DEGS2: variants seen among roughly 807,000 people sequenced by gnomAD.
DEGS2 encodes delta 4-desaturase, sphingolipid 2, also known as sphingolipid delta(4)-desaturase/C4-monooxygenase DES2.
Under a neutral mutation model 23.8 loss-of-function variants are expected in DEGS2, and 19 were observed. The observed-to-expected ratio is 0.80, with a 90% CI of 0.56 to 1.17. The LOEUF is 1.17. Ranked by LOEUF, DEGS2 falls within the 50% of genes most tolerant of loss-of-function variation. The pLI is 0.00. For synonymous variants in DEGS2, 218 were observed against 213.7 expected (o/e 1.02, Z -0.18); for missense variants, 390 against 459.5 (o/e 0.85, Z 1.38).
intron 1 of DEGS2, among the ~76,000 whole-genome samples, chr14:100,156,858 A>C (rs1235389345): frequency 6.6e-6 from 1 of 152,182 alleles, no homozygotes; most frequent in East Asian, 1.9e-4. Flanking sequence ...GAGGGAGGGA[A>C]TGGCACATTC....
chr14:100,149,669 G>A lies in DEGS2; in HGVS notation c.124C>T (p.Arg42Cys), dbSNP rs370071999. 42 of 1,611,072 alleles carry A rather than the reference G, an allele frequency of 2.6e-5. No homozygotes were observed. The African/African-American group carries it at 3.7e-4, about 14-fold the overall frequency. ...AIKALMRPDP[R>C]LKWAVLVLVL... ...AGCACCAGCACCGCCCACTTGAGGCGCGGGTCTGGCCGCATCAGGGCCTTG... is the reference window on the plus strand; with the variant it reads ...AGCACCAGCACCGCCCACTTGAGGCACGGGTCTGGCCGCATCAGGGCCTTG... Residue 42 changes from arginine (R) to cysteine (C), a missense_variant, in exon 2 of 3, where the codon CGC becomes TGC. Coordinates refer to ENST00000305631, the MANE Select transcript of DEGS2 (RefSeq NM_206918.3).
At chr14:100,157,381 TG>T (rs1202715111) in intron 1 of DEGS2, among the ~76,000 whole-genome samples, 1 of 152,142 alleles carries the variant, frequency 6.6e-6, no homozygotes, top group Non-Finnish European at 1.5e-5. Context: ...GAAGTGAAGC[TG>T]GGGATAGCCA....
At chr14:100,166,315 GCCTGCCC>G in the DEGS2 span, among the ~76,000 whole-genome samples, 1 of 24,220 alleles carries the variant, frequency 4.1e-5, no homozygotes. Context: ...CTGTGGGGGA[GCCTGCCC>G]GGGGCTGTGG....
At chr14:100,154,870 C>T (rs1362632752) in intron 1 of DEGS2, among the ~76,000 whole-genome samples, 1 of 152,220 alleles carries the variant, frequency 6.6e-6, no homozygotes, top group Non-Finnish European at 1.5e-5. Context: ...ACCCCTACTC[C>T]CAGTCACAGG....
rs376613523 is a variant in DEGS2, at chr14:100,149,495, C to T, written c.298G>A (p.Gly100Ser). The change falls in exon 2 of 3, where the codon GGC becomes AGC. Residue 100 changes from glycine to serine, a missense_variant. Coordinates refer to ENST00000305631, the MANE Select transcript of DEGS2 (RefSeq NM_206918.3). ...DISHNAAFGTGRAARNRWLAV... is the reference protein window; with the variant it reads ...DISHNAAFGTSRAARNRWLAV... ...AGCCAGCGGTTGCGTGCCGCACGGC[C>T]CGTGCCGAAGGCCGCGTTGTGCGAG... is the stretch of plus-strand genomic sequence containing the variant. 58 of 1,599,562 alleles carry T rather than the reference C, an allele frequency of 3.6e-5. No individual in the cohort carries two copies. In the African/African-American group the frequency reaches 7.0e-4, roughly 19 times the overall value.
Position 100,159,570 on chromosome 14 carries a change from G to A in DEGS2, c.18C>T (p.Ser6=). The A allele has an allele frequency of 2.7e-6, 4 of 1,498,510 alleles. No homozygotes were observed. Among genetic ancestry groups the A allele is most frequent in the East Asian group, 5.7e-5 (2 of 35,016 alleles). 92.8% of individuals were successfully genotyped at this position (1,498,510 alleles called of 1,614,324 possible). ...TGTAGACCCACTCGAAGTCGCTGCG[G>A]CTCGCGCTGTTGCCCATGGTGGGGC... MGNSA[S]RSDFEWVYTD... The change falls in exon 1 of 3, where the codon AGC becomes AGT. Residue 6 remains serine (S), a synonymous_variant. Transcript: ENST00000305631.
intron 1 of DEGS2, among the ~76,000 whole-genome samples, chr14:100,156,401 GTC>G (rs1315219622): frequency 6.6e-6 from 1 of 152,338 alleles, no homozygotes; most frequent in East Asian, 1.9e-4. Flanking sequence ...CCCTTGCCAG[GTC>G]TCTGAGACAT....
intron 2 of DEGS2, among the ~76,000 whole-genome samples, chr14:100,148,177 G>A (rs938804537): frequency 2.6e-5 from 4 of 152,168 alleles, no homozygotes; most frequent in South Asian, 2.1e-4. Flanking sequence ...ACACAGATGC[G>A]TGTGCGCACG....
chr14:100,151,140 C>T (rs1248091721), intron 1 of DEGS2, among the ~76,000 whole-genome samples: 2 of 152,260 alleles, frequency 1.3e-5, no homozygotes, highest in African/African-American at 4.8e-5. Flanking sequence ...CTGCGTCTTC[C>T]CATCTGGGAA....
intron 1 of DEGS2, among the ~76,000 whole-genome samples, chr14:100,152,731 G>C (rs1384563539): frequency 1.3e-5 from 2 of 152,038 alleles, no homozygotes; most frequent in Non-Finnish European, 2.9e-5. Flanking sequence ...TTCCACCGTC[G>C]AGTTCCCTGG....
At chr14:100,148,096 C>T (rs572319809) in intron 2 of DEGS2, among the ~76,000 whole-genome samples, 2 of 152,308 alleles carry the variant, frequency 1.3e-5, no homozygotes, top group South Asian at 2.1e-4. Context: ...CAGAGTCACA[C>T]GGGCCACAGT....
chr14:100,149,128 A>C lies in DEGS2; in HGVS notation c.665T>G (p.Leu222Arg). Residue 222 changes from leucine (L) to arginine (R), a missense_variant, in exon 2 of 3, where the codon CTG (leucine) becomes CGG (arginine). Coordinates refer to ENST00000305631, the MANE Select transcript of DEGS2 (RefSeq NM_206918.3). ...CACGAAGTGGCCCGAGATGGGGTGC[A>C]GGCCCAGGCCCAGGAAGGAGCTGGC... is the stretch of plus-strand genomic sequence containing the variant. ...LLASSFLGLG[L>R]HPISGHFVAE... 6.2e-7 allele frequency: 1 copy of C among 1,612,992 alleles called. No individual in the cohort carries two copies.
chr14:100,148,897 C>T (rs1889506786), intron 2 of DEGS2, 71 bp downstream of exon 2: 1 of 1,518,084 alleles, frequency 6.6e-7, no homozygotes, highest in Non-Finnish European at 8.9e-7. Context: ...CAAGGCCCTT[C>T]CAGGGCCCCC....
chr14:100,165,903 C>T, the DEGS2 span, among the ~76,000 whole-genome samples: 1 of 133,824 alleles, frequency 7.5e-6, no homozygotes, highest in Non-Finnish European at 1.6e-5. Context: ...GCGAAGGAGG[C>T]CCCCTGAAGT....
At chr14:100,150,050 A>C (rs1889540803) in intron 1 of DEGS2, among the ~76,000 whole-genome samples, 1 of 152,194 alleles carries the variant, frequency 6.6e-6, no homozygotes, top group Admixed American at 6.5e-5. Flanking sequence ...CTGTGCCTTG[A>C]TGCCGTCTGT....
Position 100,146,826 on chromosome 14 carries a change from C to A in DEGS2, c.907G>T (p.Glu303Ter). ...WVKVLWDFVF[E>*]DSLGPYARVK... ...CTGGCATAGGGCCCCAGGGAGTCCT[C>A]AAACACAAAATCCCAGAGCACCTTC... Residue 303 changes from glutamate (E) to a stop codon, truncating the protein, a stop_gained, in exon 3 of 3, where the codon GAG becomes TAG. Coordinates refer to ENST00000305631, the MANE Select transcript of DEGS2 (RefSeq NM_206918.3). LOFTEE classifies it high-confidence loss of function. The A allele has an allele frequency of 1.9e-6, 3 of 1,613,888 alleles. No individual in the cohort carries two copies. The highest frequency in any genetic ancestry group is 2.5e-6 in the Non-Finnish European group (3 of 1,179,936).
chr14:100,148,943 C>T, intron 2 of DEGS2, 25 bp downstream of exon 2: 1 of 1,604,522 alleles, frequency 6.2e-7, no homozygotes, highest in Non-Finnish European at 8.5e-7. Context: ...TGCCCCGCCG[C>T]AGCCCTGCCA....
At chr14:100,156,259 CCT>C (rs1889656002) in intron 1 of DEGS2, among the ~76,000 whole-genome samples, 1 of 152,236 alleles carries the variant, frequency 6.6e-6, no homozygotes, top group African/African-American at 2.4e-5. Flanking sequence ...AGTTGCTTCC[CCT>C]CTCTCAGCCT....
At chr14:100,160,997 C>T (rs974615622), upstream of DEGS2, among the ~76,000 whole-genome samples, 2 of 152,226 alleles carry the variant, frequency 1.3e-5, no homozygotes, top group Non-Finnish European at 2.9e-5. Context: ...GCTCTGTTCC[C>T]AGCCAGAAGG....
Sources: gnomAD v4.1 joint callset for allele counts (sites outside exome capture counted in the v4.1 genomes callset) on GRCh38, gnomAD v4.1.1 for gene constraint, MANE v1.5 for transcripts, NCBI Gene and HGNC (gene_info 2026-07-23, HGNC 2026-07-21) for gene names.